Variants in TDRD3 observed in about 807,000 individuals in gnomAD.
The protein encoded by TDRD3 is tudor domain containing 3.
TDRD3 carries 45 observed loss-of-function variants against 86.7 expected under a neutral mutation model. That is an observed-to-expected ratio of 0.52 (90% CI 0.41 to 0.67). The LOEUF is 0.67. Among genes scored for constraint, TDRD3 ranks in the 30% least tolerant of loss-of-function variants. TDRD3 has a pLI of 0.00. For missense variants in TDRD3, 814 were observed against 889.0 expected, an observed-to-expected ratio of 0.92 and a Z score of 1.07; for synonymous variants, 298 against 301.7, an observed-to-expected ratio of 0.99 and a Z score of 0.13.
chr13:60,466,463 T>C (rs752855126), intron 4 of TDRD3, among the ~76,000 whole-genome samples: 4 of 152,110 alleles, frequency 2.6e-5, no homozygotes, highest in Admixed American at 6.6e-5. Context: ...AAGTGAAGAC[T>C]AAACCTCATT....
intron 5 of TDRD3, among the ~76,000 whole-genome samples, chr13:60,472,501 C>A (rs1338282426): frequency 6.6e-6 from 1 of 152,034 alleles, no homozygotes; most frequent in East Asian, 1.9e-4. Flanking sequence ...ACAAAAACCC[C>A]CAGAAAATAG....
intron 6 of TDRD3, among the ~76,000 whole-genome samples, chr13:60,484,119 T>G (rs1956376766): frequency 9.2e-6 from 1 of 108,992 alleles, no homozygotes; most frequent in Admixed American, 9.2e-5. Flanking sequence ...TGGGAGAGGG[T>G]TTTTTTTTGA....
intron 10 of TDRD3, among the ~76,000 whole-genome samples, chr13:60,512,066 T>C (rs1957070306): frequency 6.6e-6 from 1 of 152,108 alleles, no homozygotes; most frequent in African/African-American, 2.4e-5. Flanking sequence ...TACCTGAGAC[T>C]AGGTAACTTA....
intron 12 of TDRD3, among the ~76,000 whole-genome samples, chr13:60,549,014 C>T (rs1006404255): frequency 6.6e-6 from 1 of 152,066 alleles, no homozygotes; most frequent in Non-Finnish European, 1.5e-5. Flanking sequence ...AATTGTCATT[C>T]ATCTGCTGGA....
rs143022203 is a variant in TDRD3, at chr13:60,531,250, G to T, written c.1992+2033G>T. Among the ~76,000 whole-genome samples, 757 of 152,294 alleles carry T rather than the reference G, an allele frequency of 5.0e-3. 3 individuals are homozygous for T. The highest frequency in any genetic ancestry group is 0.024 in the Middle Eastern group (7 of 294). On this transcript the variant is annotated intron_variant, in intron 11 of 13. Coordinates refer to ENST00000377881, the MANE Select transcript of TDRD3 (RefSeq NM_001146070.2). ...TAGGAAGACTTGAAAAGCAGATGCA[G>T]GTGGTCTTCACTATCCAGATTCTTA...
intron 1 of TDRD3, among the ~76,000 whole-genome samples, chr13:60,422,114 T>A (rs2137874962): frequency 6.6e-6 from 1 of 152,246 alleles, no homozygotes; most frequent in Non-Finnish European, 1.5e-5. Context: ...AGGTACGATT[T>A]AAAGGGTTCA....
intron 10 of TDRD3, among the ~76,000 whole-genome samples, chr13:60,524,538 GAGAAA>G (rs1298656627): frequency 2.6e-5 from 4 of 151,588 alleles, no homozygotes; most frequent in South Asian, 2.1e-4. Flanking sequence ...AATAAAAAAA[GAGAAA>G]AGAAAAGAAC....
chr13:60,417,406 A>C (rs555491278), intron 1 of TDRD3, among the ~76,000 whole-genome samples: 2 of 143,230 alleles, frequency 1.4e-5, no homozygotes, highest in East Asian at 4.1e-4. Context: ...GCTGGAGGCT[A>C]TCCCAGCTCA....
chr13:60,558,474 C>G (rs1177178994), intron 12 of TDRD3, among the ~76,000 whole-genome samples: 1 of 152,110 alleles, frequency 6.6e-6, no homozygotes, highest in Admixed American at 6.5e-5. Context: ...GACCTGAAAA[C>G]ATATCAATAG....
At chr13:60,418,170 T>G (rs1594907737) in intron 1 of TDRD3, among the ~76,000 whole-genome samples, 1 of 152,176 alleles carries the variant, frequency 6.6e-6, no homozygotes, top group East Asian at 1.9e-4. Context: ...CAGTTTATGC[T>G]CTAACAAGAC....
chr13:60,402,008 T>A (rs1566165109), intron 1 of TDRD3, among the ~76,000 whole-genome samples: 1 of 152,242 alleles, frequency 6.6e-6, no homozygotes, highest in Non-Finnish European at 1.5e-5. Flanking sequence ...AAGGGCCCAC[T>A]CTATTCCACA....
chr13:60,483,621 T>C (rs1956363689), intron 5 of TDRD3, among the ~76,000 whole-genome samples, 154 bp from the exon 6 acceptor site: 1 of 152,110 alleles, frequency 6.6e-6, no homozygotes, highest in African/African-American at 2.4e-5. Context: ...GAATAATATA[T>C]TTTTTTGTGG....
chr13:60,546,695 T>G (rs1957947354), intron 12 of TDRD3, among the ~76,000 whole-genome samples: 1 of 152,136 alleles, frequency 6.6e-6, no homozygotes, highest in African/African-American at 2.4e-5. Context: ...AGATTTGGTG[T>G]CTTGATTCTT....
intron 7 of TDRD3, among the ~76,000 whole-genome samples, chr13:60,491,761 C>G (rs1251595443): frequency 6.7e-6 from 1 of 150,104 alleles, no homozygotes; most frequent in African/African-American, 2.5e-5. Context: ...TTGATGTGGT[C>G]AAAATCTATG....
chr13:60,499,684 A>G (rs1787101774), intron 8 of TDRD3, among the ~76,000 whole-genome samples: 1 of 152,210 alleles, frequency 6.6e-6, no homozygotes, highest in South Asian at 2.1e-4. Flanking sequence ...ACTAAAATTC[A>G]GGAATGTTCT....
At chr13:60,432,303 A>T (rs1486251918) in intron 1 of TDRD3, among the ~76,000 whole-genome samples, 1 of 152,104 alleles carries the variant, frequency 6.6e-6, no homozygotes, top group Non-Finnish European at 1.5e-5. Context: ...TGTAAGCTGT[A>T]TTGAATATAT....
intron 6 of TDRD3, chr13:60,484,551 T>A: frequency 5.5e-6 from 2 of 364,572 alleles, no homozygotes; most frequent in Non-Finnish European, 5.3e-6. Context: ...GTGTCCAAAT[T>A]TTGGTATTTA....
intron 11 of TDRD3, among the ~76,000 whole-genome samples, chr13:60,530,501 C>T (rs897589338): frequency 1.3e-5 from 2 of 151,950 alleles, no homozygotes; most frequent in African/African-American, 4.8e-5. Context: ...AGTGCAATGG[C>T]ATGATGTCAG....
chr13:60,563,874 G>T (rs1435109641), intron 12 of TDRD3, among the ~76,000 whole-genome samples: 1 of 152,170 alleles, frequency 6.6e-6, no homozygotes, highest in Non-Finnish European at 1.5e-5. Context: ...TCCAGATACA[G>T]TATACAGTAA....
Sources: allele counts gnomAD v4.1 joint callset (sites outside exome capture counted in the v4.1 genomes callset), GRCh38; gene constraint gnomAD v4.1.1; transcripts MANE v1.5; gene names NCBI Gene and HGNC (gene_info 2026-07-23, HGNC 2026-07-21).